The following DAAM1 variants were observed in gnomAD, a reference collection of about 807,000 sequenced individuals.
DAAM1 encodes the protein dishevelled associated activator of morphogenesis 1.
A neutral mutation model predicts 130.0 loss-of-function variants in DAAM1; 52 were observed. The ratio of observed to expected loss-of-function variants is 0.40; its 90% CI spans 0.32 to 0.50. The LOEUF is 0.50. DAAM1 is among the 20% of genes least tolerant of loss of function. The pLI is 0.61. For missense variants in DAAM1, 1,134 were observed against 1,303.8 expected, an observed-to-expected ratio of 0.87 and a Z score of 2.01; for synonymous variants, 452 against 444.5, an observed-to-expected ratio of 1.02 and a Z score of -0.21.
chr14:59,354,754 A>G (rs1331559158), intron 19 of DAAM1, among the ~76,000 whole-genome samples: 1 of 152,246 alleles, frequency 6.6e-6, no homozygotes, highest in Non-Finnish European at 1.5e-5. Flanking sequence ...GCAAGCTATG[A>G]CATGTAACAC....
At position 59,355,311 on chromosome 14, in the gene DAAM1, G is replaced by C. The variant is rs1196789918; in HGVS notation, c.2503G>C (p.Asp835His). ...FKISSLNKIA[D>H]TKSSIDKNIT... The stretch of plus-strand genomic sequence containing the variant: ...GATATCTAGCCTAAACAAAATTGCT[G>C]ACACAAAATCCAGCATCGACAAGTA... Residue 835 changes from aspartate to histidine, a missense_variant, in exon 20 of 25, where the codon GAC (aspartate) becomes CAC (histidine). Coordinates refer to ENST00000360909, the MANE Select transcript of DAAM1 (RefSeq NM_001270520.2). 6.2e-7 allele frequency: 1 copy of C among 1,613,996 alleles called. No individual in the cohort carries two copies. Among genetic ancestry groups the C allele is most frequent in the Non-Finnish European group, 8.5e-7 (1 of 1,179,962 alleles).
chr14:59,268,831 T>A (rs888690819), intron 2 of DAAM1, among the ~76,000 whole-genome samples: 2 of 152,174 alleles, frequency 1.3e-5, no homozygotes, highest in Admixed American at 1.3e-4. Context: ...TAAAGAAATA[T>A]AACCAATATG....
At chr14:59,355,497 A>C (rs1275638989) in intron 20 of DAAM1, among the ~76,000 whole-genome samples, 164 bp downstream of exon 20, 1 of 151,828 alleles carries the variant, frequency 6.6e-6, no homozygotes, top group Non-Finnish European at 1.5e-5. Flanking sequence ...TCTTCTCTAA[A>C]CCTCTCTCAT....
chr14:59,260,015 G>A (rs1425941086), intron 1 of DAAM1, among the ~76,000 whole-genome samples: 3 of 152,250 alleles, frequency 2.0e-5, no homozygotes, highest in Admixed American at 2.0e-4. Flanking sequence ...CTGCACTCTA[G>A]CCTGGGCAAC....
In DAAM1 at chr14:59,332,461, G is replaced by A. The variant is rs547583013; in HGVS notation, c.1968+541G>A. 3.3e-5 allele frequency among the ~76,000 whole-genome samples: 5 copies of A among 152,300 alleles called. No homozygotes were observed. The South Asian group carries it at 8.3e-4, about 25-fold the overall frequency. On this transcript the variant is annotated intron_variant, in intron 15 of 24. Coordinates refer to ENST00000360909, the MANE Select transcript of DAAM1 (RefSeq NM_001270520.2). The stretch of plus-strand genomic sequence containing the variant: ...GAACAGAAGTGGGGTTGTAAAGACC[G>A]AGCAAGTGGGGAGATGGTAATGGTG...
At chr14:59,363,454 G>A (rs112307409) in intron 22 of DAAM1, 197 bp from the exon 23 acceptor site, 7,926 of 594,346 alleles carry the variant, frequency 0.013, 453 homozygotes, top group African/African-American at 0.13. Context: ...GCAAATATGC[G>A]TGTGCACATG....
chr14:59,363,435 T>C (rs1184348870), intron 22 of DAAM1: 1 of 505,278 alleles, frequency 2.0e-6, no homozygotes, highest in East Asian at 3.7e-5. Flanking sequence ...TGTTGGTAAA[T>C]TGCTATTTGC....
In DAAM1 at chr14:59,286,770, G is replaced by A. The variant is rs116012067; in HGVS notation, c.184-4447G>A. On this transcript the variant is annotated intron_variant, in intron 2 of 24. Transcript: ENST00000360909. ...CATGAACAGACCAATAATGAGTTCT[G>A]AAATTAAATCAGTAATACAAAAAAA... 4.8e-3 allele frequency among the ~76,000 whole-genome samples: 726 copies of A among 152,076 alleles called. 10 individuals carry two copies. The highest frequency in any genetic ancestry group is 0.016 in the African/African-American group (672 of 41,484).
At chr14:59,314,990 A>T (rs150899239) in intron 3 of DAAM1, among the ~76,000 whole-genome samples, 1 of 152,316 alleles carries the variant, frequency 6.6e-6, no homozygotes, top group East Asian at 1.9e-4. Context: ...CTGAAGGAAA[A>T]CAACTTTACA....
rs1887036142 is a variant in DAAM1, at chr14:59,369,010, T to C, written c.*151T>C. The C allele has an allele frequency of 1.5e-6, 1 of 649,324 alleles. No individual in the cohort carries two copies. 40.2% of individuals were successfully genotyped at this position (649,324 alleles called of 1,614,324 possible). On this transcript the variant is annotated 3_prime_UTR_variant, in exon 25 of 25. Transcript: ENST00000360909. ...GAACGTGTGTATGTAAATGTATGTG[T>C]GTATATATTAAAAAATGTATATAGA...
At chr14:59,320,417 T>A in intron 4 of DAAM1, 73 bp from the exon 5 acceptor site, 2 of 1,164,102 alleles carry the variant, frequency 1.7e-6, no homozygotes, top group Non-Finnish European at 2.5e-6. Context: ...ACAAATAATC[T>A]GTAGGTTTGT....
At position 59,331,431 on chromosome 14, in the gene DAAM1, G is replaced by C. The variant is rs772035162; in HGVS notation, c.1783G>C (p.Gly595Arg). 3.2e-5 allele frequency: 52 copies of C among 1,613,820 alleles called. No individual in the cohort carries two copies. In the Middle Eastern group the frequency reaches 1.0e-3, roughly 31 times the overall value. ...CATGCCACCTCCTGGTGCTCCAATG[G>C]GCCTAGCACTGAAGAAGAAAAGCAT... is the stretch of plus-strand genomic sequence containing the variant. ...AIMPPPGAPM[G>R]LALKKKSIPQ... is the part of the protein sequence containing the mutation. The change falls in exon 14 of 25, where the codon GGC becomes CGC. Residue 595 changes from glycine to arginine, a missense_variant. Physicochemically the swap from Gly to Arg is moderately radical, Grantham distance 125. This residue lies in a region of DAAM1 where 644 missense variants were observed against 695.9 expected (regional missense o/e 0.93). Transcript: ENST00000360909.
chr14:59,264,216 T>C (rs1464750040), intron 2 of DAAM1: 1 of 162,174 alleles, frequency 6.2e-6, no homozygotes, highest in Non-Finnish European at 1.4e-5. Context: ...TTATAGGTAC[T>C]ATCATATTTT....
In DAAM1 at chr14:59,326,394, A is replaced by C. The variant is rs1042575348; in HGVS notation, c.1175-116A>C. On this transcript the variant is annotated intron_variant, in intron 10 of 24. Transcript: ENST00000360909. ...CCATAACTTTGGGAAGCATTGGTGC[A>C]GATGTTATAAACATCTCTGGTTTGG... 3 of 1,038,680 alleles carry C rather than the reference A, an allele frequency of 2.9e-6. No individual in the cohort carries two copies. In the African/African-American group the frequency reaches 4.8e-5, roughly 17 times the overall value. The allele number at this position is 1,038,680 out of a possible 1,614,324, so 64.3% of individuals were successfully genotyped here.
intron 1 of DAAM1, among the ~76,000 whole-genome samples, chr14:59,213,349 C>CAAAAAA (rs35496333): frequency 3.1e-4 from 22 of 69,888 alleles, no homozygotes; most frequent in East Asian, 4.4e-4. Context: ...CACAGCTTAC[C>CAAAAAA]AAAAAAAAAA....
chr14:59,363,461 C>T lies in DAAM1; in HGVS notation c.2695-190C>T, dbSNP rs1330329566. On this transcript the variant is annotated intron_variant, in intron 22 of 24. Coordinates refer to ENST00000360909, the MANE Select transcript of DAAM1 (RefSeq NM_001270520.2). ...TGCTATTTGCAAATATGCGTGTGCA[C>T]ATGGGCATGGCTTTGGCATGGTGGG... The T allele has an allele frequency of 1.5e-5, 10 of 661,518 alleles. 1 individual carries two copies. Among genetic ancestry groups the T allele is most frequent in the Middle Eastern group, 4.3e-4 (1 of 2,306 alleles). The allele number at this position is 661,518 out of a possible 1,614,324, so 41.0% of individuals were successfully genotyped here.
At chr14:59,334,000 T>A (rs915860375) in intron 15 of DAAM1, among the ~76,000 whole-genome samples, 3 of 152,244 alleles carry the variant, frequency 2.0e-5, no homozygotes, top group African/African-American at 7.2e-5. Context: ...ATTTCAGTTA[T>A]ACTTAACACT....
chr14:59,362,262 T>C (rs1362458166), intron 22 of DAAM1: 1 of 152,082 alleles, frequency 6.6e-6, no homozygotes, highest in Non-Finnish European at 1.5e-5. Flanking sequence ...TTGGGTCATA[T>C]ACACTGCATC....
At chr14:59,287,000 TA>T (rs1393753055) in intron 2 of DAAM1, among the ~76,000 whole-genome samples, 1 of 152,002 alleles carries the variant, frequency 6.6e-6, no homozygotes, top group African/African-American at 2.4e-5. Context: ...AAATTCAGGC[TA>T]ATATCTCTGA....
Sources: allele counts gnomAD v4.1 joint callset (sites outside exome capture counted in the v4.1 genomes callset), GRCh38; gene constraint gnomAD v4.1.1; regional missense constraint gnomAD v4.1.1; transcripts MANE v1.5; gene names NCBI Gene and HGNC (gene_info 2026-07-23, HGNC 2026-07-21).